Variants in TCTN1 observed in about 807,000 individuals in gnomAD.
The protein encoded by TCTN1 is tectonic family member 1, also known as tectonic-1.
In TCTN1, 58 loss-of-function variants were observed where a neutral mutation model predicts 65.8. That is an observed-to-expected ratio of 0.88 (90% CI 0.71 to 1.10). The LOEUF (loss-of-function observed/expected upper bound fraction) is 1.10. TCTN1 is among the 50% of genes least tolerant of loss of function. The pLI is 0.00. For missense variants in TCTN1, 645 were observed against 719.4 expected (o/e 0.90, Z 1.18); for synonymous variants, 273 against 289.1 (o/e 0.94, Z 0.57).
At position 110,614,344 on chromosome 12, in the gene TCTN1, C is replaced by T. The variant is rs751912758; in HGVS notation, c.162C>T (p.Pro54=). The change falls in exon 1 of 15, where the codon CCC becomes CCT. Residue 54 remains proline, a synonymous_variant. Transcript: ENST00000397659. ...TFGTFPSTRP[P]GTPRAPGPSS... is the part of the protein sequence containing the mutation. Reference sequence around the variant, plus strand: ...GAACTTTCCCGTCGACCAGGCCCCCCGGGACTCCCAGGGCTCCAGGGCCCT... The same window carrying T: ...GAACTTTCCCGTCGACCAGGCCCCCTGGGACTCCCAGGGCTCCAGGGCCCT... 6.8e-6 allele frequency: 11 copies of T among 1,606,764 alleles called. No homozygotes were observed. The African/African-American group carries it at 1.2e-4, about 18-fold the overall frequency.
At position 110,644,926 on chromosome 12, in the gene TCTN1, A is replaced by G; in HGVS notation, c.1332-41A>G. 6.2e-7 allele frequency: 1 copy of G among 1,612,582 alleles called. No homozygotes were observed. The highest frequency in any genetic ancestry group is 8.5e-7 in the Non-Finnish European group (1 of 1,178,650). On this transcript the variant is annotated intron_variant, in intron 11 of 14. Coordinates refer to ENST00000397659, the MANE Select transcript of TCTN1 (RefSeq NM_001082538.3). This position sits in a 1 kb window ranked among gnomAD's most constrained non-coding sequence, Gnocchi z 4.6. ...AAAATGAAAAACTGCTGGTGGATGA[A>G]CAACAGCCTCATTCAGTTGACTTCT...
intron 13 of TCTN1, 66 bp downstream of exon 13, chr12:110,647,402 G>A (rs2067402919): frequency 3.1e-6 from 5 of 1,588,648 alleles, no homozygotes; most frequent in South Asian, 1.1e-5. Context: ...AAGTGTGGTA[G>A]GTGACAGGTA....
At position 110,641,155 on chromosome 12, in the gene TCTN1, G is replaced by T. The variant is rs1207015842; in HGVS notation, c.1104+6G>T. On this transcript the variant is annotated splice_donor_region_variant and intron_variant, in intron 9 of 14. Coordinates refer to ENST00000397659, the MANE Select transcript of TCTN1 (RefSeq NM_001082538.3). ...TTGAAATTCATTTTCTTCAGGTAAG[G>T]TTGATCAATTTGGCATAAGTATTTA... 6.2e-7 allele frequency: 1 copy of T among 1,614,188 alleles called. No individual in the cohort carries two copies. Among genetic ancestry groups the T allele is most frequent in the African/African-American group, 1.3e-5 (1 of 75,036 alleles).
At chr12:110,616,859 T>C (rs144218342) in intron 1 of TCTN1, 1 of 152,470 alleles carries the variant, frequency 6.6e-6, no homozygotes, top group East Asian at 1.9e-4. Flanking sequence ...TAACCCTTCA[T>C]CTTGAATCTG....
chr12:110,641,212 C>T, intron 9 of TCTN1, 63 bp downstream of exon 9: 1 of 1,606,864 alleles, frequency 6.2e-7, no homozygotes, highest in Non-Finnish European at 8.5e-7. Context: ...AATGACTTCT[C>T]AGTGGATAAA....
Position 110,636,464 on chromosome 12 carries a change from G to C in TCTN1, c.823-17G>C, listed in dbSNP as rs751328170. ...TGTTGTACTTAACACAATTTTTTGT[G>C]GTTTCTTTTTATCTAGGTACCTGAT... On this transcript the variant is annotated splice_polypyrimidine_tract_variant and intron_variant, in intron 6 of 14. Coordinates refer to ENST00000397659, the MANE Select transcript of TCTN1 (RefSeq NM_001082538.3). 15 of 1,367,560 alleles carry C rather than the reference G, an allele frequency of 1.1e-5. No individual in the cohort carries two copies. Among genetic ancestry groups the C allele is most frequent in the Non-Finnish European group, 1.5e-5 (15 of 968,092 alleles). 84.7% of individuals were successfully genotyped at this position (1,367,560 alleles called of 1,614,324 possible).
Position 110,639,180 on chromosome 12 carries a change from T to C in TCTN1, c.844-1203T>C, listed in dbSNP as rs987221415. The stretch of plus-strand genomic sequence containing the variant: ...TCAAAGTGGTATAAACAACTGTTAA[T>C]AGATACATGAGGCTCCTTCCTCAAC... On this transcript the variant is annotated intron_variant, in intron 7 of 14. Transcript: ENST00000397659. The surrounding 1 kb of genome is among the most constrained non-coding windows in gnomAD (Gnocchi z 4.9). Among the ~76,000 whole-genome samples, 3 of 152,256 alleles carry C rather than the reference T, an allele frequency of 2.0e-5. No homozygotes were observed. The highest frequency in any genetic ancestry group is 7.2e-5 in the African/African-American group (3 of 41,470).
In TCTN1 at chr12:110,639,057, G is replaced by A. The variant is rs1482612722; in HGVS notation, c.844-1326G>A. ...CTCGCAGGTCTTCTTGGTCATGGGA[G>A]CAGACACATAAGGACTGCTTATTTA... On this transcript the variant is annotated intron_variant, in intron 7 of 14. Coordinates refer to ENST00000397659, the MANE Select transcript of TCTN1 (RefSeq NM_001082538.3). The surrounding 1 kb of genome is among the most constrained non-coding windows in gnomAD (Gnocchi z 4.9). 6.6e-6 allele frequency among the ~76,000 whole-genome samples: 1 copy of A among 152,182 alleles called. No homozygotes were observed. Among genetic ancestry groups the A allele is most frequent in the Admixed American group, 6.5e-5 (1 of 15,280 alleles).
intron 2 of TCTN1, among the ~76,000 whole-genome samples, chr12:110,620,431 C>T (rs1275739186): frequency 6.6e-6 from 1 of 151,916 alleles, no homozygotes; most frequent in Non-Finnish European, 1.5e-5. Flanking sequence ...GTAGCTATCC[C>T]TTATTTGCAT....
At chr12:110,616,612 A>T (rs1485263910) in intron 1 of TCTN1, 1 of 172,200 alleles carries the variant, frequency 5.8e-6, no homozygotes, top group African/African-American at 2.4e-5. Context: ...CTCATTTGTT[A>T]ACTGTTCACT....
intron 1 of TCTN1, chr12:110,616,254 ATTTTT>A: frequency 9.9e-6 from 4 of 403,720 alleles, no homozygotes; most frequent in South Asian, 3.5e-5. Flanking sequence ...CTCACACTTT[ATTTTT>A]TTTTTTTTTG....
rs1359648877 is a variant in TCTN1 at position 110,642,365 on chromosome 12, C to T, written c.1307C>T (p.Thr436Ile). Residue 436 changes from threonine (T) to isoleucine (I), a missense_variant, in exon 11 of 15, where the codon ACT (threonine) becomes ATT (isoleucine). Thr to Ile is a moderately conservative substitution (Grantham distance 89). Transcript: ENST00000397659. The part of the protein sequence containing the change: ...GVRTPVLFGY[T>I]MQSGCKLRLT... ...CGGACCCCAGTATTATTTGGTTACA[C>T]TATGCAATCTGGCTGTAAACTAAGG... is the stretch of plus-strand genomic sequence containing the variant. The T allele has an allele frequency of 1.2e-6, 2 of 1,614,240 alleles. No individual in the cohort carries two copies. Among genetic ancestry groups the T allele is most frequent in the Admixed American group, 1.7e-5 (1 of 60,030 alleles).
intron 3 of TCTN1, chr12:110,628,337 TAC>T: frequency 6.2e-6 from 7 of 1,121,030 alleles, no homozygotes; most frequent in African/African-American, 1.6e-5. Flanking sequence ...TATGGAAAAA[TAC>T]ACTTTTTTTT....
intron 11 of TCTN1, 60 bp downstream of exon 11, chr12:110,642,449 C>G: frequency 6.2e-7 from 1 of 1,612,634 alleles, no homozygotes; most frequent in Non-Finnish European, 8.5e-7. Context: ...AGCATTCTCA[C>G]TTTTCCCCAT....
intron 1 of TCTN1, among the ~76,000 whole-genome samples, chr12:110,614,802 T>G (rs1443458023): frequency 6.6e-6 from 1 of 152,210 alleles, no homozygotes; most frequent in East Asian, 1.9e-4. Context: ...TTACTAAATG[T>G]GACTATGTTA....
chr12:110,641,749 G>A, intron 10 of TCTN1, 122 bp downstream of exon 10: 6 of 1,031,760 alleles, frequency 5.8e-6, no homozygotes, highest in South Asian at 1.3e-5. Context: ...AGTCCAGGCC[G>A]AGCTTCCTGC....
intron 3 of TCTN1, chr12:110,627,744 A>G (rs2065952791): frequency 4.3e-6 from 2 of 461,444 alleles, no homozygotes; most frequent in Non-Finnish European, 7.6e-6. Flanking sequence ...GCATGAAAAC[A>G]GGATCTTTAT....
At chr12:110,638,021 C>G (rs551723122) in intron 7 of TCTN1, among the ~76,000 whole-genome samples, 1 of 152,140 alleles carries the variant, frequency 6.6e-6, no homozygotes, top group Non-Finnish European at 1.5e-5. Flanking sequence ...TGTCTGACGT[C>G]TTTGAATCCT....
Position 110,640,653 on chromosome 12 carries a change from T to C in TCTN1, c.978+136T>C. 1 of 1,241,944 alleles carries C rather than the reference T, an allele frequency of 8.1e-7. No homozygotes were observed. Among genetic ancestry groups the C allele is most frequent in the South Asian group, 1.2e-5 (1 of 80,854 alleles). 76.9% of individuals were successfully genotyped at this position (1,241,944 alleles called of 1,614,324 possible). The stretch of plus-strand genomic sequence containing the variant: ...GCTTTTCTTGGCTCAGCTGCCTGCT[T>C]GTCTTTCTGCTGTCTCATCAAAGGA... On this transcript the variant is annotated intron_variant, in intron 8 of 14. Coordinates refer to ENST00000397659, the MANE Select transcript of TCTN1 (RefSeq NM_001082538.3). This position sits in a 1 kb window ranked among gnomAD's most constrained non-coding sequence, Gnocchi z 4.9.
Sources: allele counts gnomAD v4.1 joint callset (sites outside exome capture counted in the v4.1 genomes callset), GRCh38; gene constraint gnomAD v4.1.1; non-coding constraint Gnocchi (gnomAD v3.1); transcripts MANE v1.5; gene names NCBI Gene and HGNC (gene_info 2026-07-23, HGNC 2026-07-21).